ALS2CL: variants seen among roughly 807,000 people sequenced by gnomAD.
ALS2CL encodes the protein ALS2 C-terminal like, also known as ALS2 C-terminal-like protein.
A neutral mutation model predicts 127.9 loss-of-function variants in ALS2CL; 112 were observed. That is an observed-to-expected ratio of 0.88 (90% CI 0.75 to 1.02). ALS2CL has a LOEUF of 1.02. Among genes scored for constraint, ALS2CL ranks in the 50% least tolerant of loss-of-function variants. The pLI, the probability that ALS2CL is intolerant of heterozygous loss-of-function variation, is 0.00. For missense variants in ALS2CL, 1,174 were observed against 1,236.7 expected (o/e 0.95, Z 0.76); for synonymous variants, 519 against 527.6 (o/e 0.98, Z 0.22).
In ALS2CL at chr3:46,671,070, G is replaced by A; in HGVS notation, c.2782-6C>T. On this transcript the variant is annotated splice_region_variant and splice_polypyrimidine_tract_variant and intron_variant, in intron 25 of 25. Transcript: ENST00000318962. ...TGGATGTGCTCGTAACAGGACTGGAGGGAGAGAGGCAAGGCTGAGGCCAGT... is the reference window on the plus strand; with the variant it reads ...TGGATGTGCTCGTAACAGGACTGGAAGGAGAGAGGCAAGGCTGAGGCCAGT... 5.0e-6 allele frequency: 8 copies of A among 1,613,968 alleles called. No individual in the cohort carries two copies. The highest frequency in any genetic ancestry group is 6.8e-6 in the Non-Finnish European group (8 of 1,179,858).
At chr3:46,673,405 G>A in intron 21 of ALS2CL, 24 bp from the exon 22 acceptor site, 1 of 1,556,370 alleles carries the variant, frequency 6.4e-7, no homozygotes, top group Non-Finnish European at 8.7e-7. Context: ...AGTGAGACAG[G>A]AGGCTCTGCC....
At position 46,671,481 on chromosome 3, in the gene ALS2CL, C is replaced by T. The variant is rs1486617393; in HGVS notation, c.2781+7G>A. ...TTCCACCTCGGTCCACAGCCCCTGT[C>T]CCTTACCTCCAGGGCTGTGAGCAGG... On this transcript the variant is annotated splice_region_variant and intron_variant, in intron 25 of 25. Transcript: ENST00000318962. 22 of 1,613,990 alleles carry T rather than the reference C, an allele frequency of 1.4e-5. No homozygotes were observed. The highest frequency in any genetic ancestry group is 1.6e-5 in the Non-Finnish European group (19 of 1,179,994).
chr3:46,675,360 C>T (rs755451306), intron 20 of ALS2CL: 8 of 465,476 alleles, frequency 1.7e-5, no homozygotes, highest in East Asian at 1.1e-4. Context: ...CTTCTGCATG[C>T]GAAAGATGAG....
chr3:46,681,864 C>T lies in ALS2CL; in HGVS notation c.1175+165G>A, dbSNP rs143867723. 3.5e-3 allele frequency among the ~76,000 whole-genome samples: 528 copies of T among 152,250 alleles called. No homozygotes were observed. Among genetic ancestry groups the T allele is most frequent in the Non-Finnish European group, 6.5e-3 (444 of 68,022 alleles). On this transcript the variant is annotated intron_variant, in intron 11 of 25. Coordinates refer to ENST00000318962, the MANE Select transcript of ALS2CL (RefSeq NM_147129.5). This position sits in a 1 kb window ranked among gnomAD's most constrained non-coding sequence, Gnocchi z 4.9. ...GAGACGGGCCCCCTATTCAGGCCCC[C>T]GGTTCCCCTTTGGTACAGTGGGCGG...
At chr3:46,675,763 C>T in intron 19 of ALS2CL, 77 bp from the exon 20 acceptor site, 1 of 1,604,298 alleles carries the variant, frequency 6.2e-7, no homozygotes, top group Non-Finnish European at 8.5e-7. Flanking sequence ...TCAACAAAGG[C>T]AAAAGCAGGT....
chr3:46,688,068 G>A lies in ALS2CL; in HGVS notation c.302+30C>T, dbSNP rs560978868. The A allele has an allele frequency of 5.6e-6, 9 of 1,604,882 alleles. No individual in the cohort carries two copies. In the African/African-American group the frequency reaches 1.2e-4, roughly 21 times the overall value. ...CAGGTGTCACTCTGACACCAGGGAT[G>A]AGCCCCAGCCCCACCTCCAGTGGTC... On this transcript the variant is annotated intron_variant, in intron 3 of 25. Coordinates refer to ENST00000318962, the MANE Select transcript of ALS2CL (RefSeq NM_147129.5).
Position 46,683,823 on chromosome 3 carries a change from C to T in ALS2CL, c.871G>A (p.Glu291Lys), listed in dbSNP as rs182403545. The stretch of plus-strand genomic sequence containing the variant: ...TTGGCACAAAAGGAGAACTCTTCTT[C>T]GGGCGTGAGGAGGTGAAACGTGCAC... ...DGCTFHLLTP[E>K]EEFSFCAKDS... The change falls in exon 9 of 26, where the codon GAA becomes AAA. Residue 291 changes from glutamate to lysine, a missense_variant. Transcript: ENST00000318962. The T allele has an allele frequency of 9.3e-6, 15 of 1,614,020 alleles. No homozygotes were observed. Among genetic ancestry groups the T allele is most frequent in the African/African-American group, 2.7e-5 (2 of 74,888 alleles).
At chr3:46,675,844 C>T in intron 19 of ALS2CL, 158 bp from the exon 20 acceptor site, 4 of 1,465,202 alleles carry the variant, frequency 2.7e-6, no homozygotes, top group Non-Finnish European at 2.7e-6. Context: ...AAGGTTGGAG[C>T]TCCAGGATGT....
chr3:46,682,141 A>T (rs1357897119), intron 10 of ALS2CL, 47 bp from the exon 11 acceptor site: 2 of 1,597,256 alleles, frequency 1.3e-6, no homozygotes, highest in Admixed American at 3.4e-5. Context: ...CCCACCCCTC[A>T]GCAACCTCAG....
intron 24 of ALS2CL, 47 bp downstream of exon 24, chr3:46,671,837 G>T: frequency 2.5e-6 from 4 of 1,607,970 alleles, no homozygotes; most frequent in South Asian, 1.1e-5. Flanking sequence ...GTGGTTGGGG[G>T]TGGGACCCTG....
chr3:46,683,425 C>T (rs1408942676), intron 9 of ALS2CL, 99 bp from the exon 10 acceptor site: 1 of 1,189,208 alleles, frequency 8.4e-7, no homozygotes, highest in African/African-American at 1.5e-5. Context: ...CCCCTCCACC[C>T]TCCACCTCCT....
At chr3:46,688,366 C>A in intron 2 of ALS2CL, 70 bp from the exon 3 acceptor site, 2 of 1,468,338 alleles carry the variant, frequency 1.4e-6, no homozygotes, top group Non-Finnish European at 1.9e-6. Context: ...CATGCACAGG[C>A]CCCAGGTGTT....
chr3:46,675,541 C>T, intron 20 of ALS2CL, 77 bp downstream of exon 20: 1 of 1,396,008 alleles, frequency 7.2e-7, no homozygotes, highest in Non-Finnish European at 1.0e-6. Context: ...CACCTCTTTC[C>T]CCAAGGGAGG....
chr3:46,679,047 G>T (rs1385219078), intron 15 of ALS2CL, among the ~76,000 whole-genome samples, 163 bp downstream of exon 15: 1 of 152,126 alleles, frequency 6.6e-6, no homozygotes, highest in East Asian at 1.9e-4. Context: ...AGAATCAATC[G>T]CAACTCTGTG....
chr3:46,688,465 G>C (rs968863244), intron 2 of ALS2CL, among the ~76,000 whole-genome samples, 169 bp from the exon 3 acceptor site: 1 of 152,160 alleles, frequency 6.6e-6, no homozygotes, highest in Non-Finnish European at 1.5e-5. Flanking sequence ...GTGAACCCTA[G>C]AGCTGAGCAG....
In ALS2CL at chr3:46,676,362, C is replaced by T. The variant is rs374984971; in HGVS notation, c.2069G>A (p.Arg690Gln). The T allele has an allele frequency of 5.7e-5, 92 of 1,613,838 alleles. No homozygotes were observed. Among genetic ancestry groups the T allele is most frequent in the Non-Finnish European group, 6.8e-5 (80 of 1,179,992 alleles). The change falls in exon 19 of 26, where the codon CGG (arginine) becomes CAG (glutamine). Residue 690 changes from arginine (R) to glutamine (Q), a missense_variant. Coordinates refer to ENST00000318962, the MANE Select transcript of ALS2CL (RefSeq NM_147129.5). ...AGCCTGGAAGGTCAGCATCAGTGTC[C>T]GGAGCAGCTTTCCCAGGGGGTGCAG... ...NSLHPLGKLLRTLMLTFQATY... is the reference protein window; with the variant it reads ...NSLHPLGKLLQTLMLTFQATY...
At chr3:46,678,771 A>G (rs1480572648) in intron 15 of ALS2CL, among the ~76,000 whole-genome samples, 1 of 152,154 alleles carries the variant, frequency 6.6e-6, no homozygotes, top group African/African-American at 2.4e-5. Flanking sequence ...TAGCAACCTG[A>G]TCTCCACCCC....
Position 46,680,443 on chromosome 3 carries a change from G to A in ALS2CL, c.1535C>T (p.Ala512Val), listed in dbSNP as rs1203620915. ...AGVCYQGTFQADKTVGPGILL... is the reference protein window; with the variant it reads ...AGVCYQGTFQVDKTVGPGILL... ...CACTCCACTCACCACCGTCTTGTCC[G>A]CCTGGAAGGTGCCCTGGTAGCAGAC... Residue 512 changes from alanine to valine, a missense_variant, in exon 14 of 26, where the codon GCG becomes GTG. Ala to Val is a moderately conservative substitution (Grantham distance 64, BLOSUM62 0). Coordinates refer to ENST00000318962, the MANE Select transcript of ALS2CL (RefSeq NM_147129.5). 1.2e-5 allele frequency: 19 copies of A among 1,613,122 alleles called. No homozygotes were observed. The highest frequency in any genetic ancestry group is 6.7e-5 in the Admixed American group (4 of 60,004).
Position 46,681,931 on chromosome 3 carries a change from G to T in ALS2CL, c.1175+98C>A. On this transcript the variant is annotated intron_variant, in intron 11 of 25. Transcript: ENST00000318962. The surrounding 1 kb of genome is among the most constrained non-coding windows in gnomAD (Gnocchi z 4.9). ...TCTCTAAGTTCCTGCTTGAGGTTTG[G>T]GAATTCAGGATGGGGCCGGGCTGGT... The T allele has an allele frequency of 7.1e-7, 1 of 1,408,696 alleles. No homozygotes were observed. Among genetic ancestry groups the T allele is most frequent in the Non-Finnish European group, 9.8e-7 (1 of 1,017,722 alleles). 87.3% of individuals were successfully genotyped at this position (1,408,696 alleles called of 1,614,324 possible). A position where few individuals can be genotyped will look rare whatever the true frequency, so the allele number is the denominator to read the frequency against.
Sources: allele counts gnomAD v4.1 joint callset (sites outside exome capture counted in the v4.1 genomes callset), GRCh38; gene constraint gnomAD v4.1.1; non-coding constraint Gnocchi (gnomAD v3.1); transcripts MANE v1.5; gene names NCBI Gene and HGNC (gene_info 2026-07-23, HGNC 2026-07-21).